The following ZFHX3 variants were observed in gnomAD, a reference collection of about 807,000 sequenced individuals.
ZFHX3 encodes zinc finger homeobox protein 3.
Under a neutral mutation model 279.1 loss-of-function variants are expected in ZFHX3, and 42 were observed. That is an observed-to-expected ratio of 0.15 (90% CI 0.12 to 0.19). The LOEUF is 0.19. Ranked by LOEUF, ZFHX3 falls within the 10% of genes least tolerant of loss-of-function variation. ZFHX3 has a pLI of 1.00. For missense variants in ZFHX3, 4,981 were observed against 4,754.0 expected (o/e 1.05, Z -1.40); for synonymous variants, 2,293 against 1,957.8 (o/e 1.17, Z -4.52).
chr16:73,041,947 G>T (rs146776229), intron 1 of ZFHX3, among the ~76,000 whole-genome samples: 1 of 152,152 alleles, frequency 6.6e-6, no homozygotes, highest in African/African-American at 2.4e-5. Flanking sequence ...AAGAGAAGTT[G>T]GGAGATGGAG....
chr16:73,740,926 A>T (rs1270932724), intron 1 of ZFHX3, among the ~76,000 whole-genome samples: 2 of 152,074 alleles, frequency 1.3e-5, no homozygotes, highest in African/African-American at 4.8e-5. Flanking sequence ...ACTGATTATG[A>T]GATGGCCAAA....
intron 5 of ZFHX3, among the ~76,000 whole-genome samples, chr16:73,184,434 C>A (rs1217271937): frequency 6.6e-6 from 1 of 152,158 alleles, no homozygotes; most frequent in Non-Finnish European, 1.5e-5. Flanking sequence ...TGAGGATGAG[C>A]CAGTAAAATT....
intron 1 of ZFHX3, among the ~76,000 whole-genome samples, chr16:73,720,445 A>C (rs1244671340): frequency 6.6e-6 from 1 of 152,238 alleles, no homozygotes; most frequent in Non-Finnish European, 1.5e-5. Context: ...CTAACTGTTA[A>C]ATGGTGACAT....
intron 1 of ZFHX3, chr16:73,014,204 G>A (rs538697433): frequency 1.3e-5 from 2 of 152,282 alleles, no homozygotes; most frequent in South Asian, 2.1e-4. Context: ...AAACCGCTAC[G>A]AGAAAGCAGC....
At chr16:72,932,723 G>A (rs912477901) in intron 3 of ZFHX3, among the ~76,000 whole-genome samples, 14 of 148,840 alleles carry the variant, frequency 9.4e-5, no homozygotes, top group Non-Finnish European at 2.1e-4. Context: ...CAAGTTCAAA[G>A]CTAATTAAAA....
intron 2 of ZFHX3, among the ~76,000 whole-genome samples, chr16:73,649,378 G>A (rs748946731): frequency 5.1e-4 from 78 of 152,272 alleles, no homozygotes; most frequent in Non-Finnish European, 8.1e-4. Flanking sequence ...GTGATACAGT[G>A]CAGCCAAAAC....
intron 1 of ZFHX3, among the ~76,000 whole-genome samples, chr16:73,731,949 T>C (rs2053573079): frequency 1.3e-5 from 2 of 152,218 alleles, no homozygotes. Context: ...GTCACTTTTT[T>C]GTTGCAAGTA....
intron 4 of ZFHX3, among the ~76,000 whole-genome samples, chr16:73,271,335 A>C (rs1440157155): frequency 6.6e-6 from 1 of 152,174 alleles, no homozygotes; most frequent in Non-Finnish European, 1.5e-5. Flanking sequence ...AGTGTGTCCC[A>C]TAGGCCATCT....
At chr16:72,809,468 A>G (rs2036373415) in intron 7 of ZFHX3, 1 of 152,184 alleles carries the variant, frequency 6.6e-6, no homozygotes, top group South Asian at 2.1e-4. Flanking sequence ...GGAGGTTTTC[A>G]CTTACAGAGA....
chr16:73,451,257 G>A (rs921630730), intron 3 of ZFHX3, among the ~76,000 whole-genome samples: 1 of 152,160 alleles, frequency 6.6e-6, no homozygotes, highest in African/African-American at 2.4e-5. Flanking sequence ...TACTAGACTT[G>A]GTAAGTGGAA....
rs563261165 is a variant in ZFHX3, at chr16:73,311,249, A to C, written c.-1194+6991T>G. 2.6e-4 allele frequency among the ~76,000 whole-genome samples: 39 copies of C among 152,086 alleles called. No homozygotes were observed. The South Asian group carries it at 4.1e-3, about 16-fold the overall frequency. ...ACTTCGTCTCCCTCCACAAAAAAAA[A>C]CAAAAAACAAAAATACACAAACAAA... On this transcript the variant is annotated intron_variant, in intron 4 of 17. Coordinates refer to the ZFHX3 transcript ENST00000641206.
chr16:73,238,718 G>A (rs953955403), intron 5 of ZFHX3, among the ~76,000 whole-genome samples: 13 of 152,194 alleles, frequency 8.5e-5, no homozygotes, highest in African/African-American at 2.9e-4. Context: ...TTCATGACCT[G>A]TGTGCTGCCT....
At chr16:72,882,736 A>T (rs2038513494) in intron 4 of ZFHX3, among the ~76,000 whole-genome samples, 1 of 152,132 alleles carries the variant, frequency 6.6e-6, no homozygotes, top group African/African-American at 2.4e-5. Flanking sequence ...GAGCAAGCAG[A>T]AAAGTTTAAT....
intron 2 of ZFHX3, among the ~76,000 whole-genome samples, chr16:73,667,206 G>T (rs1239377940): frequency 1.3e-5 from 2 of 152,024 alleles, no homozygotes; most frequent in Non-Finnish European, 2.9e-5. Context: ...TGCCCAGACT[G>T]GTCTCGAACT....
At chr16:73,818,047 G>C (rs1051704562) in intron 1 of ZFHX3, among the ~76,000 whole-genome samples, 7 of 152,208 alleles carry the variant, frequency 4.6e-5, no homozygotes, top group Admixed American at 4.6e-4. Flanking sequence ...TTGAAATGGG[G>C]TGAGAGAGGC....
At chr16:73,891,043 G>A (rs896129026) in intron 1 of ZFHX3, among the ~76,000 whole-genome samples, 2 of 18,790 alleles carry the variant, frequency 1.1e-4, no homozygotes, top group Non-Finnish European at 1.0e-4. Context: ...CCTCACCCCC[G>A]CTCAGAGAAG....
At chr16:73,401,876 G>A (rs2017263083) in intron 3 of ZFHX3, 1 of 152,062 alleles carries the variant, frequency 6.6e-6, no homozygotes, top group South Asian at 2.1e-4. Context: ...TTATAACGAG[G>A]GTCTGACTCC....
At chr16:73,837,444 G>A (rs1031510154) in intron 1 of ZFHX3, among the ~76,000 whole-genome samples, 24 of 152,166 alleles carry the variant, frequency 1.6e-4, no homozygotes, top group Non-Finnish European at 4.4e-5. Flanking sequence ...GACAAAAAGT[G>A]TTGTGGTAAA....
At chr16:73,595,906 T>C (rs1335969358) in intron 2 of ZFHX3, among the ~76,000 whole-genome samples, 1 of 152,216 alleles carries the variant, frequency 6.6e-6, no homozygotes, top group Non-Finnish European at 1.5e-5. Flanking sequence ...CTGAAGTGGC[T>C]TTCAAATCAG....
Sources: allele counts gnomAD v4.1 joint callset (sites outside exome capture counted in the v4.1 genomes callset), GRCh38; gene constraint gnomAD v4.1.1; transcripts MANE v1.5; gene names NCBI Gene and HGNC (gene_info 2026-07-23, HGNC 2026-07-21).